Variants in CSGALNACT1 observed in about 807,000 individuals in gnomAD.
CSGALNACT1 encodes the protein beta4GalNAcT-1.
In CSGALNACT1, 52 loss-of-function variants were observed where a neutral mutation model predicts 51.0. The observed-to-expected ratio is 1.02, with a 90% CI of 0.82 to 1.29. The LOEUF is 1.29. CSGALNACT1 is among the 50% of genes most tolerant of loss of function. The pLI, the probability that CSGALNACT1 is intolerant of heterozygous loss-of-function variation, is 0.00. For missense variants in CSGALNACT1, 935 were observed against 679.2 expected (o/e 1.38, Z -4.19); for synonymous variants, 341 against 254.4 (o/e 1.34, Z -3.24).
At chr8:19,633,828 G>A (rs1041659935) in intron 1 of CSGALNACT1, among the ~76,000 whole-genome samples, 1 of 152,326 alleles carries the variant, frequency 6.6e-6, no homozygotes, top group Non-Finnish European at 1.5e-5. Context: ...GTCAAACAGG[G>A]GTTCAAACCC....
intron 1 of CSGALNACT1, among the ~76,000 whole-genome samples, chr8:19,617,983 A>T (rs1250582810): frequency 1.3e-5 from 2 of 151,876 alleles, no homozygotes; most frequent in African/African-American, 4.8e-5. Flanking sequence ...GGGCTCAAGC[A>T]ATCCTCCCAC....
chr8:19,632,729 A>C (rs766489472), intron 1 of CSGALNACT1, among the ~76,000 whole-genome samples: 1 of 152,146 alleles, frequency 6.6e-6, no homozygotes, highest in Non-Finnish European at 1.5e-5. Flanking sequence ...ACTTCCTTTC[A>C]ACCTAAGCAG....
intron 3 of CSGALNACT1, among the ~76,000 whole-genome samples, chr8:19,556,135 T>C (rs2039359495): frequency 6.6e-6 from 1 of 152,056 alleles, no homozygotes; most frequent in African/African-American, 2.4e-5. Context: ...CCCAACACTG[T>C]GGGAGGCTGA....
intron 3 of CSGALNACT1, among the ~76,000 whole-genome samples, chr8:19,581,720 A>G (rs10101907): frequency 0.033 from 5,074 of 152,320 alleles, 304 homozygotes; most frequent in African/African-American, 0.11. Flanking sequence ...TCAGCTACAG[A>G]GTATCAGCAA....
intron 3 of CSGALNACT1, among the ~76,000 whole-genome samples, chr8:19,514,490 T>TAC (rs1470959684): frequency 5.8e-5 from 5 of 86,208 alleles, no homozygotes; most frequent in Admixed American, 2.3e-4. Flanking sequence ...TATATATATA[T>TAC]ATATATATAT....
intron 8 of CSGALNACT1, among the ~76,000 whole-genome samples, chr8:19,418,260 C>T (rs146257768): frequency 1.0e-3 from 155 of 152,280 alleles, no homozygotes; most frequent in African/African-American, 3.6e-3. Flanking sequence ...ATTGCTCTGG[C>T]CCTCTCTGGG....
At chr8:19,570,651 C>T (rs943310921) in intron 3 of CSGALNACT1, among the ~76,000 whole-genome samples, 1 of 152,122 alleles carries the variant, frequency 6.6e-6, no homozygotes, top group African/African-American at 2.4e-5. Flanking sequence ...CCTGTAATGC[C>T]AGCACTTTGG....
At chr8:19,648,129 T>C (rs1188875128) in intron 1 of CSGALNACT1, among the ~76,000 whole-genome samples, 1 of 152,162 alleles carries the variant, frequency 6.6e-6, no homozygotes, top group Non-Finnish European at 1.5e-5. Flanking sequence ...TATTATACAG[T>C]TCCTCTAAAA....
chr8:19,651,007 C>G (rs1398118988), intron 1 of CSGALNACT1, among the ~76,000 whole-genome samples: 1 of 152,076 alleles, frequency 6.6e-6, no homozygotes, highest in Non-Finnish European at 1.5e-5. Flanking sequence ...AAGGTGGGCT[C>G]AGAGATTAGC....
intron 5 of CSGALNACT1, among the ~76,000 whole-genome samples, chr8:19,449,758 T>A (rs1446455547): frequency 7.0e-6 from 1 of 142,922 alleles, no homozygotes; most frequent in Non-Finnish European, 1.5e-5. Context: ...GGGTTCTCAG[T>A]CTAGCTGGAA....
chr8:19,710,161 A>C (rs867235774), intron 1 of CSGALNACT1, among the ~76,000 whole-genome samples: 8 of 152,340 alleles, frequency 5.3e-5, no homozygotes, highest in African/African-American at 1.9e-4. Context: ...AAAATGTTAG[A>C]GAAAAAGAAA....
intron 3 of CSGALNACT1, among the ~76,000 whole-genome samples, chr8:19,577,651 T>C (rs1219086331): frequency 6.6e-6 from 1 of 151,718 alleles, no homozygotes; most frequent in East Asian, 1.9e-4. Flanking sequence ...CAGGTTAGCA[T>C]GCCAGACAAC....
chr8:19,503,274 C>T (rs2076722735), intron 4 of CSGALNACT1, among the ~76,000 whole-genome samples: 1 of 152,134 alleles, frequency 6.6e-6, no homozygotes, highest in Non-Finnish European at 1.5e-5. Flanking sequence ...GTGTGCTGCC[C>T]ACGAAATCAA....
At chr8:19,680,750 C>A (rs375000205) in intron 1 of CSGALNACT1, among the ~76,000 whole-genome samples, 1 of 151,930 alleles carries the variant, frequency 6.6e-6, no homozygotes, top group Non-Finnish European at 1.5e-5. Flanking sequence ...TTCATCAGCA[C>A]GTGAACATCA....
intron 3 of CSGALNACT1, among the ~76,000 whole-genome samples, chr8:19,564,345 C>A (rs567694766): frequency 1.3e-5 from 2 of 152,092 alleles, no homozygotes; most frequent in Admixed American, 6.5e-5. Flanking sequence ...AAAATGGATG[C>A]CTAGTCCCAT....
intron 3 of CSGALNACT1, among the ~76,000 whole-genome samples, chr8:19,526,413 T>A (rs564895205): frequency 6.6e-6 from 1 of 152,236 alleles, no homozygotes; most frequent in Admixed American, 6.5e-5. Context: ...TGAAACTTCA[T>A]CACTACTAAA....
At chr8:19,587,241 A>T (rs1175348609) in intron 3 of CSGALNACT1, among the ~76,000 whole-genome samples, 1 of 152,188 alleles carries the variant, frequency 6.6e-6, no homozygotes, top group Non-Finnish European at 1.5e-5. Context: ...AAACTCTGGG[A>T]ATAGGCTTGG....
chr8:19,752,310 G>A (rs2065091437), intron 1 of CSGALNACT1, among the ~76,000 whole-genome samples: 1 of 151,768 alleles, frequency 6.6e-6, no homozygotes. Context: ...AACTTATGCA[G>A]GTTGTGCCGC....
intron 4 of CSGALNACT1, among the ~76,000 whole-genome samples, chr8:19,464,688 T>C (rs1292629008): frequency 6.6e-6 from 1 of 152,122 alleles, no homozygotes; most frequent in Admixed American, 6.5e-5. Context: ...GAACTGCACA[T>C]GTAAAGGATG....
Sources: allele counts gnomAD v4.1 joint callset (sites outside exome capture counted in the v4.1 genomes callset), GRCh38; gene constraint gnomAD v4.1.1; transcripts MANE v1.5; gene names NCBI Gene and HGNC (gene_info 2026-07-23, HGNC 2026-07-21).